CCNY: variants seen among roughly 807,000 people sequenced by gnomAD.
CCNY encodes cyclin-Y.
A neutral mutation model predicts 42.8 loss-of-function variants in CCNY; 19 were observed. The observed-to-expected ratio is 0.44, with a 90% CI of 0.31 to 0.65. The LOEUF is 0.65. CCNY is among the 30% of genes least tolerant of loss of function. The pLI, the probability that CCNY is intolerant of heterozygous loss-of-function variation, is 0.07. For synonymous variants in CCNY, 165 were observed against 162.7 expected, an observed-to-expected ratio of 1.01 and a Z score of -0.11; for missense variants, 370 against 437.3, an observed-to-expected ratio of 0.85 and a Z score of 1.37.
intron 3 of CCNY, among the ~76,000 whole-genome samples, chr10:35,299,065 C>T (rs1260256970): frequency 2.0e-5 from 3 of 152,202 alleles, no homozygotes; most frequent in African/African-American, 7.2e-5. Context: ...TAACATTTCA[C>T]ATTCTTACCA....
intron 1 of CCNY, among the ~76,000 whole-genome samples, chr10:35,458,592 T>A (rs1839087299): frequency 1.3e-5 from 2 of 152,234 alleles, no homozygotes; most frequent in Non-Finnish European, 2.9e-5. Context: ...GACGGTCCCT[T>A]TCCTCAGAAA....
In CCNY at chr10:35,569,040, T is replaced by G. The variant is rs755759502; in HGVS notation, c.910-14T>G. On this transcript the variant is annotated splice_polypyrimidine_tract_variant and intron_variant, in intron 9 of 9. Transcript: ENST00000374704. ...TGGCCCGCCCTGACCCACACTGTCT[T>G]TCTTGCCCCTCAGGCCATCTCTCGC... 1 of 1,567,664 alleles carries G rather than the reference T, an allele frequency of 6.4e-7. No individual in the cohort carries two copies. The highest frequency in any genetic ancestry group is 1.1e-5 in the South Asian group (1 of 90,162).
chr10:35,292,732 A>G (rs1449760853), intron 3 of CCNY, among the ~76,000 whole-genome samples: 1 of 143,306 alleles, frequency 7.0e-6, no homozygotes, highest in Admixed American at 7.0e-5. Context: ...TCAGCATCGT[A>G]TCTAAGAAAC....
At chr10:35,434,793 C>T (rs1838492517) in intron 1 of CCNY, among the ~76,000 whole-genome samples, 1 of 152,170 alleles carries the variant, frequency 6.6e-6, no homozygotes, top group South Asian at 2.1e-4. Flanking sequence ...GGCACATTTG[C>T]CCTTCTCAGC....
rs773426175 is a variant in CCNY at position 35,530,314 on chromosome 10, G to A, written c.579+71G>A. 4.8e-5 allele frequency: 77 copies of A among 1,594,366 alleles called. No individual in the cohort carries two copies. The highest frequency in any genetic ancestry group is 1.1e-4 in the African/African-American group (8 of 74,694). On this transcript the variant is annotated intron_variant, in intron 7 of 9. Transcript: ENST00000374704. This position sits in a 1 kb window ranked among gnomAD's most constrained non-coding sequence, Gnocchi z 4.3. ...CCAGGGCCCGTTCCTGTTACTCAGC[G>A]GAGTGAGGTTGGAGCAGGGAATCCT...
Position 35,530,226 on chromosome 10 carries a change from T to C in CCNY, c.562T>C (p.Cys188Arg). The change falls in exon 7 of 10, where the codon TGT (cysteine) becomes CGT (arginine). Residue 188 changes from cysteine to arginine, a missense_variant. Around this residue, in one of 2 missense-constraint regions of CCNY, gnomAD observed 234 missense variants for 313.1 expected, o/e 0.75. Coordinates refer to ENST00000374704, the MANE Select transcript of CCNY (RefSeq NM_145012.6). The surrounding 1 kb of genome is among the most constrained non-coding windows in gnomAD (Gnocchi z 4.3). ...CAGTGCTGCTCAGCTGACGGCTGAA[T>C]GTGCCATCGTCACCCTGGTGAGTGC... The part of the protein sequence containing the change: ...LFSAAQLTAE[C>R]AIVTLVYLER... The C allele has an allele frequency of 6.2e-7, 1 of 1,614,238 alleles. No individual in the cohort carries two copies. The highest frequency in any genetic ancestry group is 8.5e-7 in the Non-Finnish European group (1 of 1,180,026).
intron 3 of CCNY, among the ~76,000 whole-genome samples, chr10:35,297,210 A>G (rs753492249): frequency 6.6e-6 from 1 of 152,192 alleles, no homozygotes; most frequent in Non-Finnish European, 1.5e-5. Flanking sequence ...AACACACGGA[A>G]ATCAATAAAT....
upstream of CCNY, chr10:35,336,072 T>C (rs1156332520): frequency 2.6e-5 from 4 of 152,246 alleles, 1 homozygote; most frequent in Admixed American, 2.6e-4. Flanking sequence ...AGCGAAATCA[T>C]ACCTCTAAAA....
chr10:35,341,647 T>C (rs1173287286), intron 1 of CCNY, among the ~76,000 whole-genome samples: 1 of 151,018 alleles, frequency 6.6e-6, no homozygotes, highest in Non-Finnish European at 1.5e-5. Context: ...CATCATCGCG[T>C]ATGTTTATTG....
intron 8 of CCNY, among the ~76,000 whole-genome samples, chr10:35,560,132 A>G (rs544791012): frequency 2.6e-5 from 4 of 152,208 alleles, no homozygotes; most frequent in Non-Finnish European, 5.9e-5. Flanking sequence ...ATCTTCACCC[A>G]TACCTGATTC....
chr10:35,393,777 CTG>C, intron 1 of CCNY, among the ~76,000 whole-genome samples: 1 of 152,222 alleles, frequency 6.6e-6, no homozygotes, highest in East Asian at 1.9e-4. Context: ...GGGCAGATGG[CTG>C]TGTGTGGACT....
intron 1 of CCNY, among the ~76,000 whole-genome samples, chr10:35,406,100 A>G (rs1837753874): frequency 6.6e-6 from 1 of 151,458 alleles, no homozygotes; most frequent in South Asian, 2.1e-4. Flanking sequence ...CCATTACTCT[A>G]TTACTGTACA....
chr10:35,386,329 G>A (rs1837299867), intron 1 of CCNY, among the ~76,000 whole-genome samples: 1 of 152,152 alleles, frequency 6.6e-6, no homozygotes, highest in South Asian at 2.1e-4. Flanking sequence ...GGTAAAGCAT[G>A]GCAGCTTTTC....
At chr10:35,293,154 T>C (rs983641404) in intron 3 of CCNY, among the ~76,000 whole-genome samples, 1 of 152,164 alleles carries the variant, frequency 6.6e-6, no homozygotes, top group African/African-American at 2.4e-5. Context: ...AATTTTTGTA[T>C]ATGGAGTGAA....
intron 3 of CCNY, among the ~76,000 whole-genome samples, chr10:35,268,587 T>TA (rs1406101217): frequency 6.6e-6 from 1 of 152,194 alleles, no homozygotes; most frequent in Non-Finnish European, 1.5e-5. Flanking sequence ...ACAGCTCCAC[T>TA]AAGCATTCTA....
chr10:35,442,713 G>A (rs1006981685), intron 1 of CCNY, among the ~76,000 whole-genome samples: 1 of 152,146 alleles, frequency 6.6e-6, no homozygotes, highest in Non-Finnish European at 1.5e-5. Context: ...GAAACTACTG[G>A]GGATGGCTAC....
At chr10:35,316,933 C>A (rs1267249012) in intron 3 of CCNY, among the ~76,000 whole-genome samples, 1 of 152,164 alleles carries the variant, frequency 6.6e-6, no homozygotes, top group Non-Finnish European at 1.5e-5. Context: ...GCAACCTCCA[C>A]CTCTTGGGTT....
chr10:35,542,604 G>T (rs1226913206), intron 7 of CCNY, among the ~76,000 whole-genome samples: 1 of 152,188 alleles, frequency 6.6e-6, no homozygotes, highest in South Asian at 2.1e-4. Flanking sequence ...GTGGGGTTGG[G>T]TCTCAGCCTG....
chr10:35,345,623 T>C (rs903825907), intron 1 of CCNY, among the ~76,000 whole-genome samples: 14 of 152,222 alleles, frequency 9.2e-5, no homozygotes, highest in African/African-American at 3.4e-4. Context: ...ATATGTGAAG[T>C]GTGCTCCAGT....
Sources: allele counts gnomAD v4.1 joint callset (sites outside exome capture counted in the v4.1 genomes callset), GRCh38; gene constraint gnomAD v4.1.1; regional missense constraint gnomAD v4.1.1; non-coding constraint Gnocchi (gnomAD v3.1); transcripts MANE v1.5; gene names NCBI Gene and HGNC (gene_info 2026-07-23, HGNC 2026-07-21).